Variants in ABI2 observed in about 807,000 individuals in gnomAD.
ABI2 encodes abelson interactor 2.
A neutral mutation model predicts 59.2 loss-of-function variants in ABI2; 25 were observed. That is an observed-to-expected ratio of 0.42 (90% confidence interval 0.31 to 0.59). The LOEUF is 0.59. Ranked by LOEUF, ABI2 falls within the 20% of genes least tolerant of loss-of-function variation. ABI2 has a pLI of 0.14. For synonymous variants in ABI2, 213 were observed against 235.5 expected (o/e 0.90, Z 0.87); for missense variants, 545 against 681.8 (o/e 0.80, Z 2.23).
Position 203,380,248 on chromosome 2 carries a change from T to C in ABI2, c.326T>C (p.Ile109Thr), listed in dbSNP as rs1229009822. The C allele has an allele frequency of 6.3e-7, 1 of 1,592,492 alleles. No homozygotes were observed. Among genetic ancestry groups the C allele is most frequent in the Non-Finnish European group, 8.5e-7 (1 of 1,173,384 alleles). ...IHKEKVARRE[I>T]GILTTNKNTS... is the part of the protein sequence containing the mutation. Reference sequence around the variant, plus strand: ...AAAGAGAAAGTTGCAAGAAGAGAAATTGGTATTTTGACTACCAATAAAAAC... The same window carrying C: ...AAAGAGAAAGTTGCAAGAAGAGAAACTGGTATTTTGACTACCAATAAAAAC... The change falls in exon 3 of 12, where the codon ATT (isoleucine) becomes ACT (threonine). Residue 109 changes from isoleucine (I) to threonine (T), a missense_variant. Around this residue, in one of 4 missense-constraint regions of ABI2, gnomAD observed 36 missense variants for 80.0 expected, o/e 0.45. Coordinates refer to ENST00000261018, the MANE Select transcript of ABI2 (RefSeq NM_001375670.1).
chr2:203,355,089 A>C (rs1048746165), intron 1 of ABI2: 3 of 295,928 alleles, frequency 1.0e-5, no homozygotes, highest in East Asian at 1.8e-4. Flanking sequence ...TTTGCTGTCA[A>C]CCTTGGATTT....
At chr2:203,346,705 G>A (rs2083831955) in intron 1 of ABI2, among the ~76,000 whole-genome samples, 2 of 152,198 alleles carry the variant, frequency 1.3e-5, no homozygotes, top group African/African-American at 4.8e-5. Flanking sequence ...TCTTTGAGGG[G>A]AATGAATTAA....
At position 203,431,684 on chromosome 2, in the gene ABI2, TCATATA is replaced by T. The variant is rs1213548076; in HGVS notation, c.*4333_*4338del. 1 of 150,322 alleles carries T rather than the reference TCATATA, an allele frequency of 6.7e-6. No homozygotes were observed. The highest frequency in any genetic ancestry group is 2.5e-5 in the African/African-American group (1 of 40,188). The allele number at this position is 150,322 out of a possible 1,614,324, so 9.3% of individuals were successfully genotyped here. ...GACCTTTGTTCCTGTTTTGAGAATCTCATATAATTATTAAAAAAAAAAAACAATTAA... is the reference window on the plus strand; with the variant it reads ...GACCTTTGTTCCTGTTTTGAGAATCTATTATTAAAAAAAAAAAACAATTAA... On this transcript the variant is annotated 3_prime_UTR_variant, in exon 12 of 12. Transcript: ENST00000261018.
At chr2:203,352,444 T>A (rs904980734) in intron 1 of ABI2, among the ~76,000 whole-genome samples, 2 of 152,130 alleles carry the variant, frequency 1.3e-5, no homozygotes, top group Non-Finnish European at 2.9e-5. Flanking sequence ...ATAAGTGTTA[T>A]TGCCTGTGAT....
At position 203,428,286 on chromosome 2, in the gene ABI2, T is replaced by G. The variant is rs1340413074; in HGVS notation, c.*934T>G. 6.6e-6 allele frequency: 1 copy of G among 152,578 alleles called. No homozygotes were observed. Among genetic ancestry groups the G allele is most frequent in the African/African-American group, 2.4e-5 (1 of 41,452 alleles). The allele number at this position is 152,578 out of a possible 1,614,324, so 9.5% of individuals were successfully genotyped here. A position where few individuals can be genotyped will look rare whatever the true frequency, so the allele number is the denominator to read the frequency against. On this transcript the variant is annotated 3_prime_UTR_variant, in exon 12 of 12. Transcript: ENST00000261018. ...AGTTCAGACCAACTATGACTATCAT[T>G]TCCTTCACTATCTAGAAAAACGCTA...
At chr2:203,341,987 A>G (rs963737263) in intron 1 of ABI2, among the ~76,000 whole-genome samples, 3 of 152,200 alleles carry the variant, frequency 2.0e-5, no homozygotes, top group African/African-American at 7.2e-5. Flanking sequence ...AGATATTCCT[A>G]TTATAACATA....
intron 1 of ABI2, among the ~76,000 whole-genome samples, chr2:203,338,932 ATG>A (rs1559153626): frequency 0.32 from 5,667 of 17,544 alleles, 413 homozygotes; most frequent in South Asian, 0.52. Context: ...GTGTGTGTAT[ATG>A]TATATATATA....
intron 2 of ABI2, among the ~76,000 whole-genome samples, chr2:203,370,875 G>A (rs1042010262): frequency 2.6e-5 from 4 of 152,176 alleles, no homozygotes; most frequent in African/African-American, 9.7e-5. Flanking sequence ...GTTATCTAGG[G>A]TATTGAGTTT....
Position 203,428,672 on chromosome 2 carries a change from A to G in ABI2, c.*1320A>G, listed in dbSNP as rs2098459636. On this transcript the variant is annotated 3_prime_UTR_variant, in exon 12 of 12. Coordinates refer to ENST00000261018, the MANE Select transcript of ABI2 (RefSeq NM_001375670.1). ...TCAAATTCAGTGGAGTCTGTAGGGC[A>G]GATAACTTTAATCATCACTACTGTA... 6.6e-6 allele frequency: 1 copy of G among 152,236 alleles called. No individual in the cohort carries two copies. The highest frequency in any genetic ancestry group is 2.1e-4 in the South Asian group (1 of 4,832). 9.4% of individuals were successfully genotyped at this position (152,236 alleles called of 1,614,324 possible).
intron 1 of ABI2, among the ~76,000 whole-genome samples, chr2:203,346,666 G>A (rs1450022222): frequency 6.6e-6 from 1 of 152,130 alleles, no homozygotes; most frequent in Admixed American, 6.6e-5. Flanking sequence ...CTCATTCCAT[G>A]TTTCTGTTGT....
chr2:203,342,749 TAA>T (rs931384971), intron 1 of ABI2, among the ~76,000 whole-genome samples: 6 of 151,906 alleles, frequency 3.9e-5, no homozygotes, highest in Non-Finnish European at 7.4e-5. Flanking sequence ...CATGCCTGGC[TAA>T]TCGCCCTCAA....
intron 10 of ABI2, among the ~76,000 whole-genome samples, chr2:203,416,266 T>G (rs2097888013): frequency 6.6e-6 from 1 of 152,038 alleles, no homozygotes; most frequent in Non-Finnish European, 1.5e-5. Flanking sequence ...GATCTCTGGG[T>G]TTTTTTATTC....
At position 203,366,874 on chromosome 2, in the gene ABI2, C is replaced by A; in HGVS notation, c.118-3C>A. On this transcript the variant is annotated splice_polypyrimidine_tract_variant and splice_region_variant and intron_variant, in intron 1 of 11. Transcript: ENST00000261018. ...ATGATCACTGGTTTGTTTTTTTTCC[C>A]AGTCAGCAGATAAGCAGAGAGCCCT... The A allele has an allele frequency of 1.3e-6, 2 of 1,518,338 alleles. No individual in the cohort carries two copies. Among genetic ancestry groups the A allele is most frequent in the Non-Finnish European group, 1.8e-6 (2 of 1,128,488 alleles). 94.1% of individuals were successfully genotyped at this position (1,518,338 alleles called of 1,614,324 possible).
intron 8 of ABI2, among the ~76,000 whole-genome samples, chr2:203,399,365 A>T (rs550813934): frequency 1.3e-5 from 2 of 152,026 alleles, no homozygotes; most frequent in East Asian, 3.9e-4. Context: ...TATCTGTTCA[A>T]ATGTTTTGTT....
intron 5 of ABI2, among the ~76,000 whole-genome samples, chr2:203,393,769 T>C (rs1228741760): frequency 1.3e-5 from 2 of 152,186 alleles, no homozygotes; most frequent in South Asian, 4.1e-4. Flanking sequence ...TCAGTTCTTA[T>C]TCTTTTAGTG....
chr2:203,403,381 T>G (rs534569491), intron 9 of ABI2: 1 of 154,874 alleles, frequency 6.5e-6, no homozygotes, highest in Non-Finnish European at 1.5e-5. Context: ...CTTACTGCTT[T>G]TTTCTGTATT....
intron 1 of ABI2, among the ~76,000 whole-genome samples, chr2:203,350,540 CTTT>C (rs1213913573): frequency 1.4e-5 from 2 of 138,752 alleles, no homozygotes; most frequent in African/African-American, 2.6e-5. Flanking sequence ...TCTTTCTTTT[CTTT>C]TTTTTTTTTT....
intron 1 of ABI2, among the ~76,000 whole-genome samples, chr2:203,350,721 T>A (rs1342860177): frequency 1.9e-4 from 29 of 150,936 alleles, no homozygotes; most frequent in Non-Finnish European, 3.8e-4. Context: ...TATATTTTTA[T>A]TAGAGATGGG....
At chr2:203,364,641 C>T (rs2094124260) in intron 1 of ABI2, among the ~76,000 whole-genome samples, 1 of 151,986 alleles carries the variant, frequency 6.6e-6, no homozygotes, top group African/African-American at 2.4e-5. Context: ...TCTTTTGGAC[C>T]TCTTATGCTT....
Sources: allele counts gnomAD v4.1 joint callset (sites outside exome capture counted in the v4.1 genomes callset), GRCh38; gene constraint gnomAD v4.1.1; regional missense constraint gnomAD v4.1.1; transcripts MANE v1.5; gene names NCBI Gene and HGNC (gene_info 2026-07-23, HGNC 2026-07-21).